Variants in NEMP2 observed in about 807,000 individuals in gnomAD.
NEMP2 encodes nuclear envelope integral membrane protein 2.
Under a neutral mutation model 54.2 loss-of-function variants are expected in NEMP2, and 53 were observed. That is an observed-to-expected ratio of 0.98 (90% confidence interval 0.78 to 1.23). The LOEUF is 1.23. NEMP2 is among the 50% of genes most tolerant of loss of function. The pLI is 0.00. For synonymous variants in NEMP2, 197 were observed against 190.3 expected (o/e 1.04, Z -0.29); for missense variants, 455 against 511.3 (o/e 0.89, Z 1.06).
At position 190,512,902 on chromosome 2, in the gene NEMP2, G is replaced by A. The variant is rs1410933481; in HGVS notation, c.953+1551C>T. On this transcript the variant is annotated intron_variant, in intron 7 of 8. Coordinates refer to ENST00000409150, the MANE Select transcript of NEMP2 (RefSeq NM_001142645.2). This position sits in a 1 kb window ranked among gnomAD's most constrained non-coding sequence, Gnocchi z 4.5. ...GTCAATGGTGCAATTTTAACCCTGT[G>A]ATATTGCCACACACACACACAGTCA... Among the ~76,000 whole-genome samples the A allele has an allele frequency of 1.3e-5, 2 of 152,170 alleles. No homozygotes were observed. The highest frequency in any genetic ancestry group is 2.4e-5 in the African/African-American group (1 of 41,432).
chr2:190,516,464 T>G (rs1185123764), intron 5 of NEMP2, 80 bp from the exon 6 acceptor site: 19 of 1,071,328 alleles, frequency 1.8e-5, no homozygotes, highest in Non-Finnish European at 2.6e-5. Flanking sequence ...ATAAACCTTT[T>G]GTATTAGAAA....
chr2:190,427,814 C>T, the NEMP2 span, among the ~76,000 whole-genome samples: 1 of 152,024 alleles, frequency 6.6e-6, no homozygotes, highest in Non-Finnish European at 1.5e-5. Flanking sequence ...TCACTGCAAT[C>T]CCCACCTCCT....
At chr2:190,511,446 T>C (rs1338263127) in intron 7 of NEMP2, among the ~76,000 whole-genome samples, 1 of 152,034 alleles carries the variant, frequency 6.6e-6, no homozygotes, top group East Asian at 1.9e-4. Context: ...CTAAATCTCA[T>C]AAAATGTAGG....
At chr2:190,605,615 G>A in the NEMP2 span, among the ~76,000 whole-genome samples, 1 of 152,170 alleles carries the variant, frequency 6.6e-6, no homozygotes, top group Admixed American at 6.5e-5. Context: ...GACCTCAGGC[G>A]ATCTGCCTGC....
At chr2:190,438,377 A>T in the NEMP2 span, among the ~76,000 whole-genome samples, 20 of 152,132 alleles carry the variant, frequency 1.3e-4, no homozygotes. This position sits in a 1 kb window ranked among gnomAD's most constrained non-coding sequence, Gnocchi z 5.2. Context: ...TTAGCCGGGC[A>T]TGGTGGCACG....
At position 190,508,515 on chromosome 2, in the gene NEMP2, C is replaced by CAT. The variant is rs10638127; in HGVS notation, c.*673_*674insAT. On this transcript the variant is annotated 3_prime_UTR_variant, in exon 9 of 9. Transcript: ENST00000409150. This position sits in a 1 kb window ranked among gnomAD's most constrained non-coding sequence, Gnocchi z 4.3. ...TCCACCACCATTAGCATTTTCCAAA[C>CAT]GTGTTCCAAGGAATATTAATCTCAT... The CAT allele has an allele frequency of 1, 152,263 of 152,358 alleles. 76,084 individuals carry two copies. The highest frequency in any genetic ancestry group is 1 in the Middle Eastern group (294 of 294). 9.4% of individuals were successfully genotyped at this position (152,358 alleles called of 1,614,324 possible).
rs879307238 is a variant in NEMP2, at chr2:190,527,147, A to G, written c.98-1769T>C. Among the ~76,000 whole-genome samples, 3 of 152,170 alleles carry G rather than the reference A, an allele frequency of 2.0e-5. No homozygotes were observed. The highest frequency in any genetic ancestry group is 7.2e-5 in the African/African-American group (3 of 41,436). On this transcript the variant is annotated intron_variant, in intron 1 of 8. Transcript: ENST00000409150. This position sits in a 1 kb window ranked among gnomAD's most constrained non-coding sequence, Gnocchi z 4.0. ...CACAAAGAAATGGGCTTTACATCCA[A>G]CCCCTGACTCCTTTAAGGAAAGTGT...
chr2:190,577,124 A>G, the NEMP2 span, among the ~76,000 whole-genome samples: 1 of 151,924 alleles, frequency 6.6e-6, no homozygotes, highest in Non-Finnish European at 1.5e-5. This position sits in a 1 kb window ranked among gnomAD's most constrained non-coding sequence, Gnocchi z 4.8. Flanking sequence ...TGTAGATGAC[A>G]GCGTTAGTGG....
chr2:190,489,941 T>G, the NEMP2 span: 1 of 1,279,578 alleles, frequency 7.8e-7, no homozygotes, highest in Non-Finnish European at 1.1e-6. This position sits in a 1 kb window ranked among gnomAD's most constrained non-coding sequence, Gnocchi z 6.6. Flanking sequence ...CCGAGAAGCC[T>G]AGAAGTGGTA....
the NEMP2 span, among the ~76,000 whole-genome samples, chr2:190,450,859 G>T: frequency 6.6e-6 from 1 of 152,182 alleles, no homozygotes; most frequent in Non-Finnish European, 1.5e-5. Context: ...TTGAAAAGAA[G>T]AATAAACTTT....
the NEMP2 span, among the ~76,000 whole-genome samples, chr2:190,443,353 C>T: frequency 2.6e-5 from 4 of 152,084 alleles, no homozygotes; most frequent in Non-Finnish European, 5.9e-5. The surrounding 1 kb of genome is among the most constrained non-coding windows in gnomAD (Gnocchi z 4.2). Flanking sequence ...ATTATTAGTA[C>T]CTGCTTCTTA....
At chr2:190,572,329 T>C in the NEMP2 span, among the ~76,000 whole-genome samples, 13 of 152,248 alleles carry the variant, frequency 8.5e-5, no homozygotes, top group African/African-American at 2.9e-4. Flanking sequence ...GCTTCAGTTA[T>C]TGCTCTTTCC....
rs1690189144 is a variant in NEMP2 at position 190,506,445 on chromosome 2, G to A, written c.*2744C>T. 6.6e-6 allele frequency: 1 copy of A among 152,084 alleles called. No individual in the cohort carries two copies. Among genetic ancestry groups the A allele is most frequent in the African/African-American group, 2.4e-5 (1 of 41,404 alleles). 9.4% of individuals were successfully genotyped at this position (152,084 alleles called of 1,614,324 possible). A position where few individuals can be genotyped will look rare whatever the true frequency, so the allele number is the denominator to read the frequency against. On this transcript the variant is annotated 3_prime_UTR_variant, in exon 9 of 9. Transcript: ENST00000409150. The surrounding 1 kb of genome is among the most constrained non-coding windows in gnomAD (Gnocchi z 6.3). ...ATTTCTTTAGTTGACATCATTTCAG[G>A]ATCTTAATTCCTCCACATATTTAGA... is the stretch of plus-strand genomic sequence containing the variant.
intron 1 of NEMP2, chr2:190,534,218 G>A (rs1387956071): frequency 9.3e-7 from 1 of 1,078,722 alleles, no homozygotes; most frequent in Non-Finnish European, 1.1e-6. Flanking sequence ...GGAGACTAGG[G>A]TCAGCTGTGC....
At chr2:190,492,982 G>T in the NEMP2 span, among the ~76,000 whole-genome samples, 1 of 151,578 alleles carries the variant, frequency 6.6e-6, no homozygotes, top group Non-Finnish European at 1.5e-5. This position sits in a 1 kb window ranked among gnomAD's most constrained non-coding sequence, Gnocchi z 5.2. Context: ...AAAAAAGCAA[G>T]GTATATAGGC....
At chr2:190,489,464 C>A in the NEMP2 span, among the ~76,000 whole-genome samples, 1 of 152,158 alleles carries the variant, frequency 6.6e-6, no homozygotes, top group Non-Finnish European at 1.5e-5. The surrounding 1 kb of genome is among the most constrained non-coding windows in gnomAD (Gnocchi z 6.6). Context: ...GGTAAATGGT[C>A]TTTTCATATG....
In NEMP2 at chr2:190,510,480, G is replaced by T; in HGVS notation, c.1011C>A (p.Asp337Glu). Residue 337 changes from aspartate (D) to glutamate (E), a missense_variant, in exon 8 of 9, where the codon GAC (aspartate) becomes GAA (glutamate). This residue lies in a region of NEMP2 where 294 missense variants were observed against 333.6 expected (regional missense o/e 0.88). Coordinates refer to ENST00000409150, the MANE Select transcript of NEMP2 (RefSeq NM_001142645.2). The surrounding 1 kb of genome is among the most constrained non-coding windows in gnomAD (Gnocchi z 5.7). Reference protein sequence around the residue: ...KELVVKYLTEDEYREQADAET... With the variant: ...KELVVKYLTEEEYREQADAET... ...CAGCATCAGCTTGCTCCCTGTACTC[G>T]TCTTCCGTAAGATATTTCACCACCA... The T allele has an allele frequency of 6.4e-7, 1 of 1,551,886 alleles. No individual in the cohort carries two copies. Among genetic ancestry groups the T allele is most frequent in the Non-Finnish European group, 8.7e-7 (1 of 1,147,054 alleles).
chr2:190,422,269 A>T, the NEMP2 span, among the ~76,000 whole-genome samples: 1 of 152,112 alleles, frequency 6.6e-6, no homozygotes, highest in Admixed American at 6.6e-5. Flanking sequence ...TCTCTCCTGA[A>T]ACCTTCAGTC....
chr2:190,622,340 C>T, the NEMP2 span, among the ~76,000 whole-genome samples: 5,175 of 147,598 alleles, frequency 0.035, 190 homozygotes, highest in East Asian at 0.11. Flanking sequence ...CCCAGGAGGC[C>T]GAGGTTGCAG....
Sources: gnomAD v4.1 joint callset for allele counts (sites outside exome capture counted in the v4.1 genomes callset) on GRCh38, gnomAD v4.1.1 for gene constraint, gnomAD v4.1.1 regional missense constraint, Gnocchi (gnomAD v3.1) non-coding constraint, MANE v1.5 for transcripts, NCBI Gene and HGNC (gene_info 2026-07-23, HGNC 2026-07-21) for gene names.